The following ST18 variants were observed in gnomAD, a reference collection of about 807,000 sequenced individuals.
The protein encoded by ST18 is suppression of tumorigenicity 18 protein.
Under a neutral mutation model 110.0 loss-of-function variants are expected in ST18, and 50 were observed. That is an observed-to-expected ratio of 0.45 (90% CI 0.36 to 0.58). The LOEUF (loss-of-function observed/expected upper bound fraction) is 0.58, where lower values mean the gene tolerates loss of function less well. Ranked by LOEUF, ST18 falls within the 20% of genes least tolerant of loss-of-function variation. The pLI is 0.00. For synonymous variants in ST18, 461 were observed against 452.4 expected (o/e 1.02, Z -0.24); for missense variants, 1,306 against 1,280.1 (o/e 1.02, Z -0.31).
chr8:52,129,957 A>G (rs542945339), intron 22 of ST18, among the ~76,000 whole-genome samples: 1 of 151,998 alleles, frequency 6.6e-6, no homozygotes, highest in Admixed American at 6.6e-5. Context: ...AGGCAGAAGA[A>G]TCATTTGAAC....
intron 2 of ST18, among the ~76,000 whole-genome samples, chr8:52,280,018 T>C (rs922356914): frequency 2.6e-5 from 4 of 152,076 alleles, no homozygotes; most frequent in African/African-American, 9.7e-5. Flanking sequence ...ATATTAAAGT[T>C]TGAAAATAAT....
chr8:52,347,915 A>T lies in ST18; in HGVS notation c.-465+61413T>A, dbSNP rs143283200. On this transcript the variant is annotated intron_variant, in intron 2 of 25. Coordinates refer to ENST00000689386, the MANE Select transcript of ST18 (RefSeq NM_001352837.2). ...TGCCAGGCACTAATCCAATTTCTTT[A>T]GATGAGTTGATTTAATCTTAATGTA... Among the ~76,000 whole-genome samples, 35 of 152,368 alleles carry T rather than the reference A, an allele frequency of 2.3e-4. 2 individuals carry two copies. In the East Asian group the frequency reaches 6.7e-3, roughly 29 times the overall value.
intron 2 of ST18, among the ~76,000 whole-genome samples, chr8:52,296,156 G>A (rs2095634232): frequency 6.6e-6 from 1 of 152,132 alleles, no homozygotes; most frequent in East Asian, 1.9e-4. Context: ...TGGGGGGAAG[G>A]AGAATTTTCA....
At chr8:52,238,630 T>C (rs1393441820) in intron 2 of ST18, among the ~76,000 whole-genome samples, 1 of 152,064 alleles carries the variant, frequency 6.6e-6, no homozygotes, top group Non-Finnish European at 1.5e-5. Context: ...AAATGTGGTA[T>C]ACACACACAT....
chr8:52,141,089 C>T (rs538979180), intron 17 of ST18, among the ~76,000 whole-genome samples: 71 of 152,218 alleles, frequency 4.7e-4, no homozygotes, highest in South Asian at 2.9e-3. Flanking sequence ...CCGTTGTATC[C>T]GTCAACCACC....
At chr8:52,378,277 T>C (rs1384344246) in intron 2 of ST18, among the ~76,000 whole-genome samples, 1 of 152,202 alleles carries the variant, frequency 6.6e-6, no homozygotes, top group Non-Finnish European at 1.5e-5. Context: ...AAAGAAATGA[T>C]ACATGTTTAA....
intron 2 of ST18, among the ~76,000 whole-genome samples, chr8:52,280,888 T>C (rs945059046): frequency 5.3e-5 from 8 of 152,024 alleles, no homozygotes; most frequent in Admixed American, 4.6e-4. Context: ...AAAAGACACA[T>C]ATACCCCCAG....
chr8:52,188,909 C>T (rs899294006), intron 8 of ST18, among the ~76,000 whole-genome samples: 9 of 152,178 alleles, frequency 5.9e-5, no homozygotes, highest in Admixed American at 5.9e-4. Flanking sequence ...GTAGGACTTG[C>T]AGAAGCAGGA....
intron 15 of ST18, among the ~76,000 whole-genome samples, chr8:52,151,777 T>TA (rs1033325438): frequency 2.6e-5 from 4 of 151,962 alleles, no homozygotes; most frequent in Non-Finnish European, 4.4e-5. Flanking sequence ...ACATTTTTCA[T>TA]AAAAAAATAA....
At chr8:52,271,169 T>C (rs944236440) in intron 2 of ST18, among the ~76,000 whole-genome samples, 2 of 152,190 alleles carry the variant, frequency 1.3e-5, no homozygotes, top group Non-Finnish European at 2.9e-5. Flanking sequence ...AATAGGGTTA[T>C]ACATTTTTAA....
At chr8:52,142,053 A>G (rs2055334792) in intron 17 of ST18, among the ~76,000 whole-genome samples, 1 of 152,134 alleles carries the variant, frequency 6.6e-6, no homozygotes, top group South Asian at 2.1e-4. Flanking sequence ...GAGGAGGGAG[A>G]TCAGCTCTGT....
chr8:52,218,221 C>A (rs62501027), intron 5 of ST18, among the ~76,000 whole-genome samples: 32,155 of 151,676 alleles, frequency 0.21, 3,498 homozygotes, highest in Middle Eastern at 0.33. Context: ...ACCTCTCTCT[C>A]TATATATAAT....
intron 2 of ST18, among the ~76,000 whole-genome samples, chr8:52,323,881 G>A (rs1490266614): frequency 1.3e-5 from 2 of 152,182 alleles, no homozygotes; most frequent in African/African-American, 2.4e-5. Context: ...AAAGATCCAA[G>A]GCACTCTTTG....
intron 8 of ST18, among the ~76,000 whole-genome samples, chr8:52,190,046 T>A (rs7004222): frequency 1.3e-5 from 2 of 152,002 alleles, no homozygotes; most frequent in African/African-American, 4.8e-5. Flanking sequence ...ATCCAAAGAT[T>A]CAAAATGCTC....
chr8:52,409,856 T>C (rs998676797), upstream of ST18: 1 of 152,270 alleles, frequency 6.6e-6, no homozygotes, highest in Non-Finnish European at 1.5e-5. Context: ...AAAACTCTTT[T>C]CACTGAGAGT....
At chr8:52,346,372 A>C (rs1368643946) in intron 2 of ST18, among the ~76,000 whole-genome samples, 1 of 152,036 alleles carries the variant, frequency 6.6e-6, no homozygotes, top group Non-Finnish European at 1.5e-5. Context: ...AGATGAGACC[A>C]GTCCAAAAGT....
intron 2 of ST18, among the ~76,000 whole-genome samples, chr8:52,231,569 C>T (rs574585950): frequency 3.3e-5 from 5 of 152,192 alleles, no homozygotes; most frequent in East Asian, 1.9e-4. Context: ...CCTCCGCCTC[C>T]GGGTTCAAGT....
intron 8 of ST18, among the ~76,000 whole-genome samples, chr8:52,198,022 T>G (rs561439942): frequency 2.6e-5 from 4 of 152,312 alleles, no homozygotes; most frequent in African/African-American, 9.6e-5. Context: ...TTTGTTTGTT[T>G]GTTTGTTTTT....
rs150189003 is a variant in ST18, at chr8:52,354,669, G to A, written c.-465+54659C>T. Among the ~76,000 whole-genome samples the A allele has an allele frequency of 4.6e-3, 701 of 152,262 alleles. 7 individuals carry two copies. The highest frequency in any genetic ancestry group is 0.027 in the Middle Eastern group (8 of 294). On this transcript the variant is annotated intron_variant, in intron 2 of 25. Transcript: ENST00000689386. ...CCTCCAATGTTATTTTGTAAGGAAA[G>A]GGGAAAGGAATACATGAAGGAAAGT...
Sources: allele counts gnomAD v4.1 joint callset (sites outside exome capture counted in the v4.1 genomes callset), GRCh38; gene constraint gnomAD v4.1.1; transcripts MANE v1.5; gene names NCBI Gene and HGNC (gene_info 2026-07-23, HGNC 2026-07-21).